Variants in LRRTM4 observed in about 807,000 individuals in gnomAD.
The protein encoded by LRRTM4 is leucine rich repeat transmembrane neuronal 4.
A neutral mutation model predicts 47.6 loss-of-function variants in LRRTM4; 25 were observed. The observed-to-expected ratio is 0.53, with a 90% CI of 0.38 to 0.73. The LOEUF (loss-of-function observed/expected upper bound fraction) is 0.73, where lower values mean the gene tolerates loss of function less well. LRRTM4 is among the 30% of genes least tolerant of loss of function. The pLI is 0.00. For missense variants in LRRTM4, 638 were observed against 713.4 expected (o/e 0.89, Z 1.20); for synonymous variants, 311 against 269.5 (o/e 1.15, Z -1.51).
chr2:77,467,171 G>A (rs1198451087), intron 3 of LRRTM4, among the ~76,000 whole-genome samples: 1 of 152,096 alleles, frequency 6.6e-6, no homozygotes, highest in Admixed American at 6.6e-5. Flanking sequence ...TTGAATACGT[G>A]TGGTTAAAAG....
intron 3 of LRRTM4, among the ~76,000 whole-genome samples, chr2:77,100,612 G>A (rs1318217159): frequency 6.6e-6 from 1 of 151,950 alleles, no homozygotes; most frequent in Non-Finnish European, 1.5e-5. Flanking sequence ...GTAGAACAAT[G>A]AAACCAATGG....
intron 3 of LRRTM4, among the ~76,000 whole-genome samples, chr2:77,256,256 A>G (rs13389123): frequency 0.12 from 18,702 of 152,154 alleles, 3,852 homozygotes; most frequent in African/African-American, 0.42. Flanking sequence ...CCCAATATCA[A>G]TTAAGAAATT....
intron 3 of LRRTM4, among the ~76,000 whole-genome samples, chr2:76,782,239 T>A (rs1674435873): frequency 6.6e-6 from 1 of 152,208 alleles, no homozygotes. Context: ...AAATTTCCTT[T>A]CCTTTTTTTA....
At chr2:76,963,698 T>C (rs909689855) in intron 3 of LRRTM4, among the ~76,000 whole-genome samples, 10 of 151,010 alleles carry the variant, frequency 6.6e-5, no homozygotes, top group Non-Finnish European at 1.2e-4. Context: ...CTTTTCCATA[T>C]TTCAGACATA....
At chr2:76,904,557 T>C (rs1329602201) in intron 3 of LRRTM4, among the ~76,000 whole-genome samples, 3 of 152,216 alleles carry the variant, frequency 2.0e-5, no homozygotes, top group Non-Finnish European at 4.4e-5. Flanking sequence ...CTGTCAGTGT[T>C]AATCTAAATC....
intron 3 of LRRTM4, among the ~76,000 whole-genome samples, chr2:77,451,686 TG>T (rs1206565456): frequency 6.6e-6 from 1 of 152,176 alleles, no homozygotes; most frequent in Admixed American, 6.5e-5. Flanking sequence ...TTGCAGTAGG[TG>T]AAAACAACTA....
At position 77,411,692 on chromosome 2, in the gene LRRTM4, G is replaced by C. The variant is rs770071593; in HGVS notation, c.1551+106626C>G. On this transcript the variant is annotated intron_variant, in intron 3 of 3. Coordinates refer to ENST00000409884, the MANE Select transcript of LRRTM4 (RefSeq NM_001134745.3). ...TCACTGTGTTAGCCAGGATGGTCTC[G>C]ATCTCCTGACCTCGTGATCTGCCTG... is the stretch of plus-strand genomic sequence containing the variant. Among the ~76,000 whole-genome samples the C allele has an allele frequency of 3.7e-5, 5 of 133,884 alleles. No individual in the cohort carries two copies. The East Asian group carries it at 1.1e-3, about 29-fold the overall frequency. 87.8% of individuals were successfully genotyped at this position (133,884 alleles called of 152,430 possible).
intron 3 of LRRTM4, among the ~76,000 whole-genome samples, chr2:76,866,763 G>C (rs1008343804): frequency 8.5e-5 from 13 of 152,092 alleles, no homozygotes; most frequent in African/African-American, 2.7e-4. Context: ...CATTTGGGTT[G>C]GTTCCTAGTC....
chr2:77,289,654 T>C (rs894973267), intron 3 of LRRTM4, among the ~76,000 whole-genome samples: 3 of 152,074 alleles, frequency 2.0e-5, no homozygotes, highest in Non-Finnish European at 2.9e-5. Context: ...ACTCCAGGCT[T>C]CTGCTCAAAC....
At chr2:76,851,280 T>C (rs1671986379) in intron 3 of LRRTM4, among the ~76,000 whole-genome samples, 1 of 152,108 alleles carries the variant, frequency 6.6e-6, no homozygotes, top group Non-Finnish European at 1.5e-5. Context: ...GCCACCACAT[T>C]TTTCTTCCAA....
At chr2:77,203,782 T>G (rs1487615066) in intron 3 of LRRTM4, among the ~76,000 whole-genome samples, 1 of 152,296 alleles carries the variant, frequency 6.6e-6, no homozygotes, top group Non-Finnish European at 1.5e-5. Context: ...AACACCTCTG[T>G]GTCAAGAAAC....
At chr2:77,500,873 G>A (rs1221912972) in intron 3 of LRRTM4, among the ~76,000 whole-genome samples, 2 of 151,380 alleles carry the variant, frequency 1.3e-5, no homozygotes, top group South Asian at 2.1e-4. Flanking sequence ...TTACTGTAAT[G>A]AGAAAATGTC....
chr2:76,807,666 ATCGCAACC>A (rs1361789916), intron 3 of LRRTM4, among the ~76,000 whole-genome samples: 1 of 150,084 alleles, frequency 6.7e-6, no homozygotes, highest in Non-Finnish European at 1.5e-5. Flanking sequence ...ATCTCAGCTC[ATCGCAACC>A]TCTGCCTCCC....
At chr2:77,411,369 G>A (rs1041521785) in intron 3 of LRRTM4, among the ~76,000 whole-genome samples, 1 of 150,978 alleles carries the variant, frequency 6.6e-6, no homozygotes, top group Non-Finnish European at 1.5e-5. Flanking sequence ...CGGGGTCTTC[G>A]ATTTCTTTCT....
At chr2:76,840,768 G>A (rs1467378381) in intron 3 of LRRTM4, among the ~76,000 whole-genome samples, 1 of 152,090 alleles carries the variant, frequency 6.6e-6, no homozygotes, top group East Asian at 1.9e-4. Context: ...TAAATTTACA[G>A]GAAACAACAG....
chr2:77,231,115 T>C (rs1396269999), intron 3 of LRRTM4, among the ~76,000 whole-genome samples: 1 of 152,178 alleles, frequency 6.6e-6, no homozygotes, highest in Admixed American at 6.6e-5. Flanking sequence ...GTCTAAATTT[T>C]ATCTGGCAAG....
chr2:77,259,689 A>G (rs527393132), intron 3 of LRRTM4, among the ~76,000 whole-genome samples: 5 of 152,184 alleles, frequency 3.3e-5, no homozygotes, highest in Non-Finnish European at 5.9e-5. Flanking sequence ...TATATGAAGG[A>G]TGAGTGAGTG....
At chr2:76,900,177 T>C (rs1266675378) in intron 3 of LRRTM4, among the ~76,000 whole-genome samples, 1 of 152,000 alleles carries the variant, frequency 6.6e-6, no homozygotes, top group Non-Finnish European at 1.5e-5. Flanking sequence ...CAGATTGCAG[T>C]GAGCCAAGAT....
chr2:77,122,045 A>T (rs1373431868), intron 3 of LRRTM4, among the ~76,000 whole-genome samples: 1 of 151,870 alleles, frequency 6.6e-6, no homozygotes, highest in Non-Finnish European at 1.5e-5. Flanking sequence ...TTACATGTTT[A>T]TATATAAATA....
Sources: gnomAD v4.1 joint callset for allele counts (sites outside exome capture counted in the v4.1 genomes callset) on GRCh38, gnomAD v4.1.1 for gene constraint, MANE v1.5 for transcripts, NCBI Gene and HGNC (gene_info 2026-07-23, HGNC 2026-07-21) for gene names.